Variants in LARP1B observed in about 807,000 individuals in gnomAD.
The protein encoded by LARP1B is La ribonucleoprotein 1B, also known as la-related protein 1B.
Under a neutral mutation model 114.2 loss-of-function variants are expected in LARP1B, and 76 were observed. The observed-to-expected ratio is 0.67, with a 90% CI of 0.55 to 0.81. The LOEUF is 0.81. LARP1B is among the 30% of genes least tolerant of loss of function. The probability of loss-of-function intolerance (pLI) is 0.00; values close to 1 mark genes in which losing one functional copy is unlikely to be tolerated. For missense variants in LARP1B, 1,014 were observed against 1,075.8 expected, an observed-to-expected ratio of 0.94 and a Z score of 0.80; for synonymous variants, 345 against 348.0, an observed-to-expected ratio of 0.99 and a Z score of 0.10.
intron 7 of LARP1B, chr4:128,092,845 C>G (rs1425152437): frequency 2.0e-6 from 2 of 985,314 alleles, no homozygotes; most frequent in Admixed American, 1.2e-4. Flanking sequence ...CTGTCAACTT[C>G]ATACCACTAT....
intron 1 of LARP1B, among the ~76,000 whole-genome samples, chr4:128,067,271 T>G (rs1431310954): frequency 6.6e-6 from 1 of 152,138 alleles, no homozygotes; most frequent in Non-Finnish European, 1.5e-5. Flanking sequence ...AGGATGCTCT[T>G]TGAGAGAGAG....
intron 9 of LARP1B, among the ~76,000 whole-genome samples, chr4:128,112,054 G>A (rs1457055917): frequency 1.3e-5 from 2 of 151,956 alleles, no homozygotes; most frequent in East Asian, 3.9e-4. Context: ...GTTCTCTGGA[G>A]TTAATATTTT....
intron 8 of LARP1B, 33 bp from the exon 9 acceptor site, chr4:128,107,105 CT>C: frequency 6.4e-7 from 1 of 1,561,104 alleles, no homozygotes; most frequent in East Asian, 2.2e-5. Context: ...AGTGAAATAG[CT>C]CATAATTTTA....
chr4:128,077,874 C>T lies in LARP1B; in HGVS notation c.129C>T (p.Asp43=), dbSNP rs369668278. 4.3e-6 allele frequency: 7 copies of T among 1,613,040 alleles called. No individual in the cohort carries two copies. The highest frequency in any genetic ancestry group is 5.9e-6 in the Non-Finnish European group (7 of 1,179,516). The change falls in exon 4 of 20, where the codon GAC becomes GAT. Residue 43 remains aspartate (D), a synonymous_variant. Transcript: ENST00000326639. The stretch of plus-strand genomic sequence containing the variant: ...AGGTTGAAAAGAGAAGTAACAGTGA[C>T]AGCAAAGAAAACCGGGAAACAAAAT... ...EEKVEKRSNS[D]SKENRETKLN... is the part of the protein sequence containing the mutation.
rs149194089 is a variant in LARP1B at position 128,112,330 on chromosome 4, G to A, written c.989-2240G>A. ...TATATGCTCAGTGTAAAAATTAATG[G>A]CACTATTTTTTTTTAGCGGGGTTGG... On this transcript the variant is annotated intron_variant, in intron 9 of 19. Transcript: ENST00000326639. 6.2e-3 allele frequency among the ~76,000 whole-genome samples: 933 copies of A among 151,626 alleles called. 13 individuals carry two copies. Among genetic ancestry groups the A allele is most frequent in the African/African-American group, 0.021 (866 of 41,414 alleles).
chr4:128,154,842 C>T (rs1268429629), intron 11 of LARP1B, among the ~76,000 whole-genome samples: 5 of 151,148 alleles, frequency 3.3e-5, no homozygotes, highest in African/African-American at 4.9e-5. Flanking sequence ...GGTGTGATCT[C>T]GGCTCACTGC....
chr4:128,134,549 T>C (rs1192930537), intron 11 of LARP1B, among the ~76,000 whole-genome samples: 1 of 152,192 alleles, frequency 6.6e-6, no homozygotes, highest in Admixed American at 6.5e-5. Flanking sequence ...CAGTGGTTTC[T>C]TGGATATCAC....
chr4:128,140,819 T>C (rs1332544733), intron 11 of LARP1B, among the ~76,000 whole-genome samples: 1 of 111,388 alleles, frequency 9.0e-6, no homozygotes, highest in African/African-American at 2.8e-5. Flanking sequence ...AGGTTAATTG[T>C]CTCTGTTTTT....
chr4:128,079,987 T>A (rs1184151514), intron 4 of LARP1B, among the ~76,000 whole-genome samples: 48 of 142,142 alleles, frequency 3.4e-4, no homozygotes, highest in South Asian at 4.4e-4. Flanking sequence ...AAAATTTGTC[T>A]TTTTTTTTTT....
chr4:128,117,964 G>C (rs1169017312), intron 10 of LARP1B, among the ~76,000 whole-genome samples: 2 of 144,406 alleles, frequency 1.4e-5, no homozygotes, highest in African/African-American at 2.6e-5. Flanking sequence ...TGCCTAGACT[G>C]GTGTGCAGTG....
At position 128,207,470 on chromosome 4, in the gene LARP1B, ATTTTTAT is replaced by A. The variant is rs1445309596; in HGVS notation, c.2547+94_2547+100del. ...TGACTTTTTAAGCTTTAATTTTGTA[ATTTTTAT>A]TTTTTAACTTTTTAGTTTTAAAATT... On this transcript the variant is annotated intron_variant, in intron 19 of 19. Coordinates refer to ENST00000326639, the MANE Select transcript of LARP1B (RefSeq NM_018078.4). 3 of 916,584 alleles carry A rather than the reference ATTTTTAT, an allele frequency of 3.3e-6. No homozygotes were observed. In the East Asian group the frequency reaches 9.3e-5, roughly 28 times the overall value. The allele number at this position is 916,584 out of a possible 1,614,324, so 56.8% of individuals were successfully genotyped here. A position where few individuals can be genotyped will look rare whatever the true frequency, so the allele number is the denominator to read the frequency against.
At chr4:128,061,665 CCGGCTGGGG>C (rs890564707) in intron 1 of LARP1B, 5 of 984,790 alleles carry the variant, frequency 5.1e-6, no homozygotes, top group Non-Finnish European at 6.0e-6. Context: ...CGGGGCCACC[CCGGCTGGGG>C]CGGCTGGGGC....
At chr4:128,129,864 G>C (rs1433821657) in intron 11 of LARP1B, among the ~76,000 whole-genome samples, 1 of 151,976 alleles carries the variant, frequency 6.6e-6, no homozygotes. Context: ...AAAAATTAAA[G>C]TGGACGGACC....
In LARP1B at chr4:128,097,263, A is replaced by G. The variant is rs544742916; in HGVS notation, c.669-923A>G. 4.6e-5 allele frequency among the ~76,000 whole-genome samples: 7 copies of G among 152,206 alleles called. No homozygotes were observed. In the South Asian group the frequency reaches 1.0e-3, roughly 23 times the overall value. ...ATGGAGAACTTGAATCGTTCAAAAT[A>G]TATATGTGCACATATGCCTGTGTGT... On this transcript the variant is annotated intron_variant, in intron 7 of 19. Coordinates refer to ENST00000326639, the MANE Select transcript of LARP1B (RefSeq NM_018078.4).
chr4:128,127,889 C>CAA (rs1443605377), intron 11 of LARP1B, among the ~76,000 whole-genome samples: 1 of 152,108 alleles, frequency 6.6e-6, no homozygotes, highest in Non-Finnish European at 1.5e-5. Context: ...AAACTTACTA[C>CAA]AAAGCTGCAG....
At chr4:128,155,728 C>T (rs1465234577) in intron 11 of LARP1B, 3 of 1,607,850 alleles carry the variant, frequency 1.9e-6, no homozygotes, top group African/African-American at 2.7e-5. Context: ...AAGGCCCGAG[C>T]GGAACAAGCT....
intron 3 of LARP1B, among the ~76,000 whole-genome samples, chr4:128,076,284 C>T (rs888174858): frequency 5.9e-5 from 9 of 152,156 alleles, no homozygotes; most frequent in Admixed American, 1.3e-4. Flanking sequence ...GGATTACAGG[C>T]GTGAGCCACT....
At chr4:128,078,091 G>T in intron 4 of LARP1B, 129 bp downstream of exon 4, 2 of 595,076 alleles carry the variant, frequency 3.4e-6, no homozygotes, top group Non-Finnish European at 2.7e-6. Flanking sequence ...TAAACAATCT[G>T]CAGAGGTAAC....
intron 5 of LARP1B, among the ~76,000 whole-genome samples, chr4:128,088,277 C>T (rs1223251142): frequency 4.6e-5 from 7 of 152,196 alleles, no homozygotes; most frequent in South Asian, 2.1e-4. Context: ...TTTTAAACTT[C>T]GCTTTGTGCA....
Sources: gnomAD v4.1 joint callset for allele counts (sites outside exome capture counted in the v4.1 genomes callset) on GRCh38, gnomAD v4.1.1 for gene constraint, MANE v1.5 for transcripts, NCBI Gene and HGNC (gene_info 2026-07-23, HGNC 2026-07-21) for gene names.